Variants in PTCSC3 observed in about 807,000 individuals in gnomAD.
PTCSC3 encodes the protein papillary thyroid carcinoma susceptibility candidate 3 (non-protein coding).
intron 3 of PTCSC3, among the ~76,000 whole-genome samples, chr14:36,137,841 G>A (rs1057310424): frequency 7.2e-5 from 11 of 152,162 alleles, no homozygotes; most frequent in Non-Finnish European, 1.5e-4. Flanking sequence ...ATGTTTATTG[G>A]TGAGACATGC....
intron 2 of PTCSC3, among the ~76,000 whole-genome samples, chr14:36,154,203 C>G (rs946921892): frequency 3.9e-5 from 6 of 152,096 alleles, no homozygotes; most frequent in Non-Finnish European, 5.9e-5. Context: ...TGGTTACCTT[C>G]AAGGAGATAA....
At chr14:36,139,559 A>AC (rs1002576641) in intron 3 of PTCSC3, among the ~76,000 whole-genome samples, 158 of 151,980 alleles carry the variant, frequency 1.0e-3, no homozygotes, top group African/African-American at 3.3e-3. Flanking sequence ...ATTATTCGCT[A>AC]CCCCCCCAAT....
intron 3 of PTCSC3, among the ~76,000 whole-genome samples, chr14:36,151,744 A>G (rs774204611): frequency 1.3e-5 from 2 of 152,196 alleles, no homozygotes; most frequent in African/African-American, 2.4e-5. Context: ...AGGTCAGATA[A>G]GGCTGTGGTA....
intron 2 of PTCSC3, among the ~76,000 whole-genome samples, chr14:36,162,258 GAAAAAAAAAAAAAA>G (rs58223160): frequency 1.4e-4 from 15 of 106,554 alleles, no homozygotes; most frequent in African/African-American, 7.2e-4. Context: ...CTGGGGTATG[GAAAAAAAAAAAAAA>G]AAAAAAAAAA....
intron 3 of PTCSC3, among the ~76,000 whole-genome samples, chr14:36,142,774 A>T (rs1295670313): frequency 1.3e-5 from 2 of 150,034 alleles, no homozygotes; most frequent in East Asian, 2.0e-4. Flanking sequence ...ATCATCTAGC[A>T]TTAGGTATAT....
intron 3 of PTCSC3, among the ~76,000 whole-genome samples, chr14:36,139,326 A>G (rs971133141): frequency 2.0e-5 from 3 of 152,196 alleles, no homozygotes; most frequent in African/African-American, 4.8e-5. Context: ...AAACATGTTG[A>G]AAGAACAAAG....
intron 3 of PTCSC3, among the ~76,000 whole-genome samples, chr14:36,136,567 A>C (rs957606669): frequency 6.6e-6 from 1 of 152,136 alleles, no homozygotes; most frequent in African/African-American, 2.4e-5. Flanking sequence ...TTGGAAGAAG[A>C]ATAAGAGTAA....
At chr14:36,157,686 G>C (rs1289363538) in intron 2 of PTCSC3, among the ~76,000 whole-genome samples, 1 of 152,008 alleles carries the variant, frequency 6.6e-6, no homozygotes, top group Non-Finnish European at 1.5e-5. Context: ...AAGTCAGGTA[G>C]TGTGATGCCC....
downstream of PTCSC3, among the ~76,000 whole-genome samples, chr14:36,135,909 GTGTGTGTATA>G (rs1464405129): frequency 1.3e-5 from 2 of 150,046 alleles, no homozygotes; most frequent in Non-Finnish European, 3.0e-5. Flanking sequence ...ATGTGTGTGT[GTGTGTGTATA>G]TGTGTGTGTG....
chr14:36,149,428 G>A (rs1218514421), intron 3 of PTCSC3, among the ~76,000 whole-genome samples: 3 of 152,100 alleles, frequency 2.0e-5, no homozygotes, highest in Non-Finnish European at 4.4e-5. Context: ...TGTTCCCTGT[G>A]AGTTTGATAA....
chr14:36,156,483 C>T (rs777063963), intron 2 of PTCSC3, among the ~76,000 whole-genome samples: 4 of 152,032 alleles, frequency 2.6e-5, no homozygotes, highest in Admixed American at 6.6e-5. Flanking sequence ...CTGGGATACA[C>T]GTGCAGAATG....
intron 3 of PTCSC3, among the ~76,000 whole-genome samples, chr14:36,142,850 T>A (rs1881459111): frequency 7.3e-6 from 1 of 137,006 alleles, no homozygotes; most frequent in Non-Finnish European, 1.5e-5. Flanking sequence ...ATATTCCCCT[T>A]CCTGTGTCCA....
intron 3 of PTCSC3, among the ~76,000 whole-genome samples, chr14:36,148,767 A>T (rs577886907): frequency 6.6e-6 from 1 of 152,242 alleles, no homozygotes; most frequent in African/African-American, 2.4e-5. Context: ...AGATCTTTTG[A>T]GGAATTAGCC....
At chr14:36,159,694 T>G (rs1240466018) in intron 2 of PTCSC3, among the ~76,000 whole-genome samples, 1 of 152,178 alleles carries the variant, frequency 6.6e-6, no homozygotes, top group African/African-American at 2.4e-5. Flanking sequence ...AAGTGCTATG[T>G]GATGCTGAGA....
At chr14:36,170,239 C>T (rs747915469) in intron 1 of PTCSC3, among the ~76,000 whole-genome samples, 5 of 151,700 alleles carry the variant, frequency 3.3e-5, no homozygotes, top group African/African-American at 4.8e-5. Flanking sequence ...TTCCCATGTT[C>T]GCATTATTTC....
chr14:36,151,535 C>G (rs1037482587), intron 3 of PTCSC3, among the ~76,000 whole-genome samples: 1 of 152,138 alleles, frequency 6.6e-6, no homozygotes, highest in Non-Finnish European at 1.5e-5. Flanking sequence ...TCTTGTCCCA[C>G]AGTTCTTGGA....
At chr14:36,175,858 G>T (rs1882272487) in intron 1 of PTCSC3, among the ~76,000 whole-genome samples, 1 of 152,176 alleles carries the variant, frequency 6.6e-6, no homozygotes, top group South Asian at 2.1e-4. Context: ...CATGATTGTT[G>T]TGGTTTTCTT....
chr14:36,159,447 T>C (rs1358630013), intron 2 of PTCSC3, among the ~76,000 whole-genome samples: 1 of 152,234 alleles, frequency 6.6e-6, no homozygotes, highest in African/African-American at 2.4e-5. Context: ...GTACATTGTG[T>C]CTTTGTTCTC....
chr14:36,162,279 A>AAAAAC (rs1881979901), intron 2 of PTCSC3, among the ~76,000 whole-genome samples: 2 of 112,398 alleles, frequency 1.8e-5, no homozygotes, highest in South Asian at 2.9e-4. Context: ...AAAAAAAAAA[A>AAAAAC]AAAAAACTCC....
Sources: allele counts gnomAD v4.1 joint callset (sites outside exome capture counted in the v4.1 genomes callset), GRCh38; gene constraint gnomAD v4.1.1; transcripts MANE v1.5; gene names NCBI Gene and HGNC (gene_info 2026-07-23, HGNC 2026-07-21).